The following ZFTRAF1 variants were observed in gnomAD, a reference collection of about 807,000 sequenced individuals.
ZFTRAF1 encodes zinc finger TRAF-type and ring finger containing 1, also known as zinc finger TRAF-type-containing protein 1.
At chr8:144,461,795 T>C in the ZFTRAF1 span, among the ~76,000 whole-genome samples, 1 of 151,974 alleles carries the variant, frequency 6.6e-6, no homozygotes, top group African/African-American at 2.4e-5. Context: ...GAGGCGTCCA[T>C]AGGATGTTCA....
chr8:144,455,691 C>T, the ZFTRAF1 span: 105 of 152,414 alleles, frequency 6.9e-4, no homozygotes, highest in Middle Eastern at 3.4e-3. Flanking sequence ...CAAAACAGCA[C>T]TCTTCTTGGC....
At chr8:144,459,950 G>A in the ZFTRAF1 span, among the ~76,000 whole-genome samples, 2 of 152,244 alleles carry the variant, frequency 1.3e-5, no homozygotes, top group South Asian at 4.1e-4. Flanking sequence ...GAATATGGTA[G>A]ACTGAACCCA....
At chr8:144,461,929 G>A in the ZFTRAF1 span, among the ~76,000 whole-genome samples, 4 of 152,162 alleles carry the variant, frequency 2.6e-5, no homozygotes, top group Non-Finnish European at 5.9e-5. Context: ...TGCGGGCTAA[G>A]GATCAGTTTG....
At chr8:144,462,526 A>AGCC in the ZFTRAF1 span, 25 of 143,706 alleles carry the variant, frequency 1.7e-4, no homozygotes, top group East Asian at 8.9e-4. Context: ...CCTCGCCCAG[A>AGCC]GCCGCCGCCG....
chr8:144,460,393 A>G, the ZFTRAF1 span, among the ~76,000 whole-genome samples: 1 of 152,248 alleles, frequency 6.6e-6, no homozygotes, highest in Non-Finnish European at 1.5e-5. Context: ...TCCGGTCAGA[A>G]GCAGAGCCAT....
the ZFTRAF1 span, among the ~76,000 whole-genome samples, chr8:144,460,993 G>A: frequency 6.6e-5 from 10 of 152,256 alleles, no homozygotes; most frequent in Admixed American, 1.3e-4. Context: ...AAGCCAAGGA[G>A]TAACTGCTAA....
chr8:144,458,638 G>C, the ZFTRAF1 span, among the ~76,000 whole-genome samples: 1 of 152,196 alleles, frequency 6.6e-6, no homozygotes, highest in Non-Finnish European at 1.5e-5. Flanking sequence ...ATGTGGCATA[G>C]AGACATGGGC....
chr8:144,462,213 G>C, the ZFTRAF1 span: 5 of 464,666 alleles, frequency 1.1e-5, no homozygotes, highest in Non-Finnish European at 1.9e-5. Context: ...AGGAGACGCG[G>C]ATCCTGGGGC....
At chr8:144,450,307 G>T in the ZFTRAF1 span, 1 of 668,326 alleles carries the variant, frequency 1.5e-6, no homozygotes, top group Non-Finnish European at 2.8e-6. Flanking sequence ...TGAAGCAGCT[G>T]CCAGCCAGGT....
the ZFTRAF1 span, chr8:144,451,441 T>C: frequency 2.1e-3 from 317 of 153,668 alleles, 1 homozygote; most frequent in Admixed American, 4.3e-3. Context: ...GGCCCCGGTA[T>C]CTCCAGGACA....
the ZFTRAF1 span, chr8:144,456,660 GGAT>G: frequency 6.6e-5 from 10 of 152,142 alleles, no homozygotes; most frequent in South Asian, 8.3e-4. Flanking sequence ...ACATCACAGA[GGAT>G]GATGTCAGAG....
chr8:144,451,234 C>T, the ZFTRAF1 span: 126 of 166,020 alleles, frequency 7.6e-4, 1 homozygote, highest in Non-Finnish European at 1.3e-3. Context: ...GGTCTGCAGG[C>T]ACCGGGCCTG....
At chr8:144,452,170 C>T in the ZFTRAF1 span, 6 of 725,982 alleles carry the variant, frequency 8.3e-6, no homozygotes, top group African/African-American at 1.0e-4. Context: ...GCCTCGGCCC[C>T]TCCTTCCACT....
the ZFTRAF1 span, chr8:144,462,225 C>A: frequency 2.1e-6 from 1 of 473,296 alleles, no homozygotes; most frequent in South Asian, 2.7e-5. Flanking sequence ...TCCTGGGGCC[C>A]CGCGGCGGGG....
At chr8:144,454,967 C>T in the ZFTRAF1 span, 1 of 152,326 alleles carries the variant, frequency 6.6e-6, no homozygotes, top group Admixed American at 6.5e-5. Flanking sequence ...ATGGAATCCA[C>T]ATCCACATGA....
chr8:144,453,289 C>A, the ZFTRAF1 span: 1 of 1,551,192 alleles, frequency 6.4e-7, no homozygotes, highest in Non-Finnish European at 8.7e-7. Flanking sequence ...AGGCAGAAGC[C>A]ACACTCTGAA....
chr8:144,458,645 G>A, the ZFTRAF1 span, among the ~76,000 whole-genome samples: 2 of 152,186 alleles, frequency 1.3e-5, no homozygotes, highest in East Asian at 1.9e-4. Context: ...ATAGAGACAT[G>A]GGCGCTACAG....
At chr8:144,450,211 G>A in the ZFTRAF1 span, 7 of 584,512 alleles carry the variant, frequency 1.2e-5, no homozygotes, top group Admixed American at 8.7e-5. Context: ...AGCCGGAGGC[G>A]GGGGCCCCGT....
At chr8:144,453,717 A>G in the ZFTRAF1 span, 2 of 439,344 alleles carry the variant, frequency 4.6e-6, no homozygotes, top group East Asian at 3.9e-5. Flanking sequence ...CAGAGGTGAC[A>G]GCTCGCCCTG....
Sources: allele counts gnomAD v4.1 joint callset (sites outside exome capture counted in the v4.1 genomes callset), GRCh38; gene constraint gnomAD v4.1.1; transcripts MANE v1.5; gene names NCBI Gene and HGNC (gene_info 2026-07-23, HGNC 2026-07-21).